The following RELN variants were observed in gnomAD, a reference collection of about 807,000 sequenced individuals.
RELN encodes the protein reelin.
A neutral mutation model predicts 427.6 loss-of-function variants in RELN; 108 were observed. The observed-to-expected ratio is 0.25, with a 90% CI of 0.22 to 0.30. The LOEUF (loss-of-function observed/expected upper bound fraction) is 0.30. Ranked by LOEUF, RELN falls within the 10% of genes least tolerant of loss-of-function variation. The probability of loss-of-function intolerance (pLI) is 1.00; values close to 1 mark genes in which losing one functional copy is unlikely to be tolerated. For synonymous variants in RELN, 1,524 were observed against 1,513.4 expected (o/e 1.01, Z -0.16); for missense variants, 3,715 against 4,302.8 (o/e 0.86, Z 3.82).
intron 27 of RELN, 124 bp downstream of exon 27, chr7:103,593,558 C>T (rs558535480): frequency 9.6e-6 from 8 of 830,562 alleles, no homozygotes; most frequent in African/African-American, 5.1e-5. Context: ...GTTAAGCTTT[C>T]GTACAGGTGA....
chr7:103,590,327 G>C (rs1831380274), intron 27 of RELN, among the ~76,000 whole-genome samples: 1 of 152,110 alleles, frequency 6.6e-6, no homozygotes, highest in South Asian at 2.1e-4. Context: ...ACTTTGGGAG[G>C]CTGAGGCGGG....
intron 22 of RELN, among the ~76,000 whole-genome samples, chr7:103,605,071 C>T (rs570279929): frequency 6.6e-6 from 1 of 152,136 alleles, no homozygotes; most frequent in Non-Finnish European, 1.5e-5. Context: ...CTCAGATAAT[C>T]CACCCGCCTT....
chr7:103,476,660 A>C (rs1230942523), intron 64 of RELN: 2 of 274,502 alleles, frequency 7.3e-6, no homozygotes, highest in African/African-American at 4.4e-5. Context: ...GCTATACTAA[A>C]ATGCTGTCTG....
intron 11 of RELN, among the ~76,000 whole-genome samples, chr7:103,674,030 T>C (rs1833454357): frequency 1.3e-5 from 2 of 152,170 alleles, no homozygotes; most frequent in African/African-American, 4.8e-5. Context: ...GTATTCCTTC[T>C]GGCTTCTTCT....
chr7:103,807,367 A>T, intron 3 of RELN, among the ~76,000 whole-genome samples: 1 of 152,332 alleles, frequency 6.6e-6, no homozygotes, highest in East Asian at 1.9e-4. Context: ...AATTAGTGGC[A>T]CTGGATACTT....
At position 103,792,746 on chromosome 7, in the gene RELN, C is replaced by T. The variant is rs373791071; in HGVS notation, c.474-16119G>A. On this transcript the variant is annotated intron_variant, in intron 3 of 64. Coordinates refer to ENST00000428762, the MANE Select transcript of RELN (RefSeq NM_005045.4). ...TATCTGTGGATATACTAAAAGCCAC[C>T]TAATTGTATAGTTTAAAGGGATAAA... is the stretch of plus-strand genomic sequence containing the variant. Among the ~76,000 whole-genome samples, 150 of 151,546 alleles carry T rather than the reference C, an allele frequency of 9.9e-4. 1 individual carries two copies. The highest frequency in any genetic ancestry group is 3.5e-3 in the African/African-American group (146 of 41,270).
At chr7:103,836,678 G>T (rs919481271) in intron 2 of RELN, among the ~76,000 whole-genome samples, 1 of 152,046 alleles carries the variant, frequency 6.6e-6, no homozygotes, top group Admixed American at 6.6e-5. Flanking sequence ...CTCCTCAACT[G>T]CTCTCAACCA....
intron 12 of RELN, among the ~76,000 whole-genome samples, chr7:103,660,404 A>G (rs562860686): frequency 5.9e-5 from 9 of 152,332 alleles, no homozygotes; most frequent in African/African-American, 2.2e-4. Context: ...TTTATTTTAT[A>G]TGCACAATTT....
Position 103,636,528 on chromosome 7 carries a change from T to C in RELN, c.2070-60A>G, listed in dbSNP as rs1020265768. On this transcript the variant is annotated intron_variant, in intron 17 of 64. Transcript: ENST00000428762. The stretch of plus-strand genomic sequence containing the variant: ...GTTGGCTGTTTCGGAGATTCTCGAA[T>C]CTACTTTGGGGAGGAAGAAGTCCAG... The C allele has an allele frequency of 3.5e-6, 4 of 1,137,364 alleles. No individual in the cohort carries two copies. In the African/African-American group the frequency reaches 4.6e-5, roughly 13 times the overall value. The allele number at this position is 1,137,364 out of a possible 1,614,324, so 70.5% of individuals were successfully genotyped here. A position where few individuals can be genotyped will look rare whatever the true frequency, so the allele number is the denominator to read the frequency against.
intron 2 of RELN, among the ~76,000 whole-genome samples, chr7:103,860,270 C>T (rs1373530709): frequency 6.6e-6 from 1 of 152,144 alleles, no homozygotes; most frequent in East Asian, 1.9e-4. Flanking sequence ...AATATTTTAA[C>T]ACTTTTTTAC....
chr7:103,971,128 G>T (rs1418941929), intron 1 of RELN, among the ~76,000 whole-genome samples: 1 of 150,902 alleles, frequency 6.6e-6, no homozygotes, highest in Non-Finnish European at 1.5e-5. Context: ...CTCGAGCCTG[G>T]GCGACAAGAG....
rs1420160599 is a variant in RELN, at chr7:103,590,643, G to GCTTA, written c.3913-816_3913-815insTAAG. On this transcript the variant is annotated intron_variant, in intron 27 of 64. Coordinates refer to ENST00000428762, the MANE Select transcript of RELN (RefSeq NM_005045.4). The stretch of plus-strand genomic sequence containing the variant: ...GTCAACTTAGATGAAACAGCTGAGT[G>GCTTA]TTTATCACAGCATCAAATAAGCAAC... Among the ~76,000 whole-genome samples, 712 of 152,142 alleles carry GCTTA rather than the reference G, an allele frequency of 4.7e-3. 10 individuals are homozygous for GCTTA. Among genetic ancestry groups the GCTTA allele is most frequent in the African/African-American group, 0.016 (680 of 41,502 alleles).
chr7:103,863,310 T>C (rs1230602353), intron 2 of RELN, among the ~76,000 whole-genome samples: 3 of 152,124 alleles, frequency 2.0e-5, no homozygotes. Context: ...GAAAGAATCA[T>C]AGAATGTTAG....
intron 16 of RELN, among the ~76,000 whole-genome samples, chr7:103,647,088 C>G (rs1018090850): frequency 4.6e-5 from 7 of 151,820 alleles, no homozygotes; most frequent in Non-Finnish European, 1.5e-5. Context: ...TATGACAAAC[C>G]CAAAGCCAAC....
chr7:103,858,287 G>C (rs1793993177), intron 2 of RELN, among the ~76,000 whole-genome samples: 1 of 152,108 alleles, frequency 6.6e-6, no homozygotes, highest in Admixed American at 6.6e-5. Flanking sequence ...CTGGTTTTTA[G>C]AATCACTGGG....
At chr7:103,917,293 T>C (rs1167346805) in intron 1 of RELN, 108 bp from the exon 2 acceptor site, 2 of 850,440 alleles carry the variant, frequency 2.4e-6, no homozygotes, top group East Asian at 5.1e-5. Context: ...TAACAAATTA[T>C]TTTTATACTA....
chr7:103,619,862 G>C (rs1188738058), intron 20 of RELN, among the ~76,000 whole-genome samples: 1 of 152,022 alleles, frequency 6.6e-6, no homozygotes, highest in East Asian at 1.9e-4. Flanking sequence ...GTAAGAGTGT[G>C]TGTATATGTG....
chr7:103,809,173 T>C lies in RELN; in HGVS notation c.473+24364A>G, dbSNP rs968382657. On this transcript the variant is annotated intron_variant, in intron 3 of 64. Coordinates refer to ENST00000428762, the MANE Select transcript of RELN (RefSeq NM_005045.4). ...TGCCTTTCCAATTCTGAGGGACACA[T>C]TTCCAACTTAAAGTTCTATGCACAA... is the stretch of plus-strand genomic sequence containing the variant. 3.9e-5 allele frequency among the ~76,000 whole-genome samples: 6 copies of C among 152,254 alleles called. No homozygotes were observed. The South Asian group carries it at 1.0e-3, about 26-fold the overall frequency.
At chr7:103,914,933 C>A (rs144982864) in intron 2 of RELN, among the ~76,000 whole-genome samples, 121 of 152,240 alleles carry the variant, frequency 7.9e-4, no homozygotes, top group African/African-American at 2.7e-3. Context: ...TCAGAGTGAT[C>A]TCTTTAAAAT....
Sources: gnomAD v4.1 joint callset for allele counts (sites outside exome capture counted in the v4.1 genomes callset) on GRCh38, gnomAD v4.1.1 for gene constraint, MANE v1.5 for transcripts, NCBI Gene and HGNC (gene_info 2026-07-23, HGNC 2026-07-21) for gene names.